The following MYPN variants were observed in gnomAD, a reference collection of about 807,000 sequenced individuals.
MYPN encodes the protein myopalladin, also known as sarcomeric protein myopalladin, 145 kDa (MYOP).
MYPN carries 63 observed loss-of-function variants against 129.4 expected under a neutral mutation model. The observed-to-expected ratio is 0.49, with a 90% CI of 0.40 to 0.60. The LOEUF is 0.60. Ranked by LOEUF, MYPN falls within the 20% of genes least tolerant of loss-of-function variation. The pLI is 0.00. For missense variants in MYPN, 1,596 were observed against 1,635.4 expected (o/e 0.98, Z 0.42); for synonymous variants, 629 against 600.9 (o/e 1.05, Z -0.68).
Position 68,206,899 on chromosome 10 carries a change from A to G in MYPN, c.3789A>G (p.Ile1263Met). Residue 1263 changes from isoleucine to methionine, a missense_variant, in exon 19 of 20, where the codon ATA (isoleucine) becomes ATG (methionine). Physicochemically the swap from Ile to Met is conservative, Grantham distance 10. Transcript: ENST00000358913. ...TGTCGTGCACTGCCAGGCTGGATAT[A>G]TACGGTAAGTGTAATGCTGTTAGTT... ...GIVSCTARLD[I>M]YAQWHHQIPP... 3.1e-6 allele frequency: 5 copies of G among 1,614,148 alleles called. No homozygotes were observed. The highest frequency in any genetic ancestry group is 1.7e-5 in the Admixed American group (1 of 60,010).
chr10:68,193,828 CACACACACACAT>C (rs1353236321), intron 13 of MYPN, among the ~76,000 whole-genome samples: 1 of 34,948 alleles, frequency 2.9e-5, no homozygotes, highest in African/African-American at 5.5e-5. Context: ...CACACACACA[CACACACACACAT>C]AGATATTTAC....
rs905133560 is a variant in MYPN at position 68,189,511 on chromosome 10, C to T, written c.2925+385C>T. ...CCCATTAACCAACCTCTCTTCATTC[C>T]CTTCTCCCATCTATCCTTCCCAGCC... On this transcript the variant is annotated intron_variant, in intron 13 of 19. Transcript: ENST00000358913. Among the ~76,000 whole-genome samples the T allele has an allele frequency of 2.6e-5, 4 of 152,122 alleles. 1 individual carries two copies. Among genetic ancestry groups the T allele is most frequent in the Admixed American group, 6.5e-5 (1 of 15,280 alleles).
chr10:68,094,611 G>A (rs940758768), intron 1 of MYPN, among the ~76,000 whole-genome samples: 1 of 151,898 alleles, frequency 6.6e-6, no homozygotes, highest in East Asian at 2.0e-4. Flanking sequence ...GGAAGTCACC[G>A]TGGTTCAAAC....
chr10:68,198,382 G>A (rs1398723810), intron 16 of MYPN, among the ~76,000 whole-genome samples: 3 of 151,930 alleles, frequency 2.0e-5, no homozygotes, highest in African/African-American at 4.8e-5. Context: ...TTTTTTGACC[G>A]GGCTCTAGTT....
Position 68,121,743 on chromosome 10 carries a change from C to A in MYPN, c.305C>A (p.Pro102His). ...DETQARKRLS[P>H]DQMKHSPNLS... ...ACTCAAGCTAGAAAACGACTTTCTC[C>A]TGATCAGATGAAACACTCACCTAAT... Residue 102 changes from proline (P) to histidine (H), a missense_variant, in exon 2 of 20, where the codon CCT (proline) becomes CAT (histidine). Coordinates refer to ENST00000358913, the MANE Select transcript of MYPN (RefSeq NM_032578.4). 6.2e-7 allele frequency: 1 copy of A among 1,614,206 alleles called. No individual in the cohort carries two copies. Among genetic ancestry groups the A allele is most frequent in the Non-Finnish European group, 8.5e-7 (1 of 1,180,038 alleles).
intron 19 of MYPN, among the ~76,000 whole-genome samples, chr10:68,207,193 G>T (rs2043831571): frequency 6.6e-6 from 1 of 152,174 alleles, no homozygotes; most frequent in Non-Finnish European, 1.5e-5. Flanking sequence ...AGGAGGCAGA[G>T]GTTGCAGTGA....
At chr10:68,106,485 A>G, upstream of MYPN, 5 of 538,042 alleles carry the variant, frequency 9.3e-6, no homozygotes, top group Middle Eastern at 5.1e-4. Flanking sequence ...AATTTTTCTC[A>G]TTAAAAATGG....
intron 12 of MYPN, among the ~76,000 whole-genome samples, chr10:68,178,601 T>A (rs1301556599): frequency 6.6e-6 from 1 of 151,550 alleles, no homozygotes; most frequent in Non-Finnish European, 1.5e-5. Flanking sequence ...TAGTCCCAAC[T>A]ACTCGGGAGG....
In MYPN at chr10:68,189,030, T is replaced by G. The variant is rs2043467180; in HGVS notation, c.2829T>G (p.Ile943Met). 11 of 1,614,164 alleles carry G rather than the reference T, an allele frequency of 6.8e-6. No individual in the cohort carries two copies. Among genetic ancestry groups the G allele is most frequent in the Non-Finnish European group, 6.8e-6 (8 of 1,180,016 alleles). ...ATGAGATCCCCACGGGCAAGTGTATTGCTCCCATCTTTGACAAGAGACTCA... is the reference window on the plus strand; with the variant it reads ...ATGAGATCCCCACGGGCAAGTGTATGGCTCCCATCTTTGACAAGAGACTCA... ...QHDEIPTGKC[I>M]APIFDKRLKH... Residue 943 changes from isoleucine (I) to methionine (M), a missense_variant, in exon 13 of 20, where the codon ATT (isoleucine) becomes ATG (methionine). Physicochemically the swap from Ile to Met is conservative, Grantham distance 10. Coordinates refer to ENST00000358913, the MANE Select transcript of MYPN (RefSeq NM_032578.4).
intron 2 of MYPN, among the ~76,000 whole-genome samples, chr10:68,138,432 T>C (rs1385132588): frequency 3.3e-5 from 5 of 151,712 alleles, no homozygotes; most frequent in Admixed American, 2.0e-4. Flanking sequence ...TTCTTTCTTT[T>C]TTTTTTTTTA....
rs751943423 is a variant in MYPN at position 68,199,460 on chromosome 10, C to T, written c.3378C>T (p.Thr1126=). The T allele has an allele frequency of 1.7e-5, 28 of 1,613,982 alleles. No homozygotes were observed. Among genetic ancestry groups the T allele is most frequent in the Non-Finnish European group, 2.2e-5 (26 of 1,180,026 alleles). The change falls in exon 17 of 20, where the codon ACC becomes ACT. Residue 1126 remains threonine (T), a synonymous_variant. Transcript: ENST00000358913. ...DASHKMLVRE[T]GVHSLLIDPL... ...CCCACAAGATGCTGGTCAGGGAGAC[C>T]GGAGTCCACTCTCTGCTCATTGACC...
At chr10:68,105,308 A>G (rs958226753), upstream of MYPN, among the ~76,000 whole-genome samples, 1 of 152,218 alleles carries the variant, frequency 6.6e-6, no homozygotes, top group African/African-American at 2.4e-5. Context: ...CGTTAAAGGA[A>G]TCTATTAAAT....
At chr10:68,104,901 A>G (rs2042000516), upstream of MYPN, among the ~76,000 whole-genome samples, 1 of 151,992 alleles carries the variant, frequency 6.6e-6, no homozygotes, top group South Asian at 2.1e-4. Flanking sequence ...CTCCTGTCTC[A>G]GCCTCCCAAG....
chr10:68,129,276 G>A (rs1324634687), intron 2 of MYPN, among the ~76,000 whole-genome samples: 1 of 152,138 alleles, frequency 6.6e-6, no homozygotes, highest in Non-Finnish European at 1.5e-5. Flanking sequence ...CTCTATGTAT[G>A]TTTGAAGGTT....
intron 2 of MYPN, among the ~76,000 whole-genome samples, chr10:68,130,005 A>G (rs2042384766): frequency 6.6e-6 from 1 of 152,162 alleles, no homozygotes; most frequent in African/African-American, 2.4e-5. Context: ...TATTATCTCA[A>G]GTGGTTTTAA....
At chr10:68,189,200 A>C in intron 13 of MYPN, 74 bp downstream of exon 13, 1 of 1,034,126 alleles carries the variant, frequency 9.7e-7, no homozygotes, top group Non-Finnish European at 1.5e-6. Flanking sequence ...AAGGTCTTTA[A>C]AAAATATACG....
chr10:68,157,561 C>CGGTA (rs2134131537), intron 6 of MYPN, among the ~76,000 whole-genome samples: 1 of 149,938 alleles, frequency 6.7e-6, no homozygotes, highest in Admixed American at 6.8e-5. Context: ...AGGCCGGGTG[C>CGGTA]GGTAGCTCAA....
chr10:68,165,488 G>C, intron 8 of MYPN: 2 of 647,866 alleles, frequency 3.1e-6, no homozygotes, highest in Non-Finnish European at 5.7e-6. Flanking sequence ...TACTTGGCCT[G>C]TCTGCATGGA....
At chr10:68,149,830 G>A (rs1442498844) in intron 5 of MYPN, among the ~76,000 whole-genome samples, 3 of 152,028 alleles carry the variant, frequency 2.0e-5, no homozygotes, top group Non-Finnish European at 4.4e-5. Context: ...CGTGGGGATA[G>A]GCAGCACATA....
Sources: allele counts gnomAD v4.1 joint callset (sites outside exome capture counted in the v4.1 genomes callset), GRCh38; gene constraint gnomAD v4.1.1; transcripts MANE v1.5; gene names NCBI Gene and HGNC (gene_info 2026-07-23, HGNC 2026-07-21).